The following CDH18 variants were observed in gnomAD, a reference collection of about 807,000 sequenced individuals.
CDH18 encodes the protein cadherin-18.
A neutral mutation model predicts 67.9 loss-of-function variants in CDH18; 31 were observed. That is an observed-to-expected ratio of 0.46 (90% CI 0.34 to 0.62). The LOEUF is 0.62. Ranked by LOEUF, CDH18 falls within the 20% of genes least tolerant of loss-of-function variation. CDH18 has a pLI of 0.01. For missense variants in CDH18, 890 were observed against 975.5 expected (o/e 0.91, Z 1.17); for synonymous variants, 362 against 347.2 (o/e 1.04, Z -0.48).
At chr5:19,597,883 C>G (rs1746419636) in intron 6 of CDH18, among the ~76,000 whole-genome samples, 1 of 152,044 alleles carries the variant, frequency 6.6e-6, no homozygotes, top group Non-Finnish European at 1.5e-5. Context: ...TTATATTCAT[C>G]TTTTTTTGTA....
chr5:19,524,149 T>C (rs896978126), intron 9 of CDH18, among the ~76,000 whole-genome samples: 1 of 151,766 alleles, frequency 6.6e-6, no homozygotes, highest in African/African-American at 2.4e-5. Context: ...TTTTGCAACA[T>C]CTTTGTAGAT....
chr5:19,739,686 C>T (rs189765850), intron 4 of CDH18, among the ~76,000 whole-genome samples: 4 of 152,220 alleles, frequency 2.6e-5, no homozygotes, highest in South Asian at 2.1e-4. Context: ...TCTGGTTTGT[C>T]AGTTGTCCAA....
chr5:20,184,237 G>T (rs867852844), intron 2 of CDH18, among the ~76,000 whole-genome samples: 1 of 152,070 alleles, frequency 6.6e-6, no homozygotes, highest in South Asian at 2.1e-4. Context: ...ACTGACATCC[G>T]AGGTAAAACA....
chr5:20,571,950 A>T (rs1325074541), intron 1 of CDH18, among the ~76,000 whole-genome samples: 1 of 152,130 alleles, frequency 6.6e-6, no homozygotes, highest in Non-Finnish European at 1.5e-5. Flanking sequence ...GCAGTAAGAG[A>T]AGATCTCTAA....
intron 2 of CDH18, among the ~76,000 whole-genome samples, chr5:20,176,165 A>G (rs1175101586): frequency 1.3e-5 from 2 of 152,160 alleles, no homozygotes; most frequent in Non-Finnish European, 2.9e-5. Flanking sequence ...TTTTACATGC[A>G]TGCTCAAATG....
chr5:19,521,267 A>T (rs1268804463), intron 9 of CDH18, among the ~76,000 whole-genome samples: 1 of 152,200 alleles, frequency 6.6e-6, no homozygotes, highest in Non-Finnish European at 1.5e-5. Flanking sequence ...TGTGATGTTA[A>T]GTCACGCTCG....
chr5:19,490,748 C>T lies in CDH18; in HGVS notation c.1631-7196G>A, dbSNP rs532581200. On this transcript the variant is annotated intron_variant, in intron 11 of 12. Coordinates refer to ENST00000382275, the MANE Select transcript of CDH18 (RefSeq NM_004934.5). ...ATGTTTTTGTTTTGTTTTTCTACTT[C>T]TATTTTTTTGCTTAGTGAATATGAG... 9.2e-5 allele frequency among the ~76,000 whole-genome samples: 14 copies of T among 152,010 alleles called. 1 individual carries two copies. The highest frequency in any genetic ancestry group is 3.4e-4 in the African/African-American group (14 of 41,484).
chr5:19,579,879 A>G (rs1180829006), intron 7 of CDH18, among the ~76,000 whole-genome samples: 1 of 151,670 alleles, frequency 6.6e-6, no homozygotes, highest in Non-Finnish European at 1.5e-5. Context: ...TTACTTCCCA[A>G]TAAAATATCC....
chr5:20,063,986 A>C (rs980663963), intron 2 of CDH18, among the ~76,000 whole-genome samples: 11 of 152,296 alleles, frequency 7.2e-5, no homozygotes, highest in African/African-American at 2.6e-4. Context: ...CAATGAACTA[A>C]AAGCATGTTT....
rs1448718366 is a variant in CDH18 at position 19,679,792 on chromosome 5, T to C, written c.643+41555A>G. ...AAATACTGCTGAAAGAAATCAGAGATGACACAAACAAATGGAAAAACATTC... is the reference window on the plus strand; with the variant it reads ...AAATACTGCTGAAAGAAATCAGAGACGACACAAACAAATGGAAAAACATTC... On this transcript the variant is annotated intron_variant, in intron 5 of 12. Transcript: ENST00000382275. Among the ~76,000 whole-genome samples, 7 of 151,792 alleles carry C rather than the reference T, an allele frequency of 4.6e-5. No individual in the cohort carries two copies. In the South Asian group the frequency reaches 1.5e-3, roughly 31 times the overall value.
chr5:20,224,901 C>G (rs1037590632), intron 2 of CDH18, among the ~76,000 whole-genome samples: 3 of 151,878 alleles, frequency 2.0e-5, no homozygotes, highest in African/African-American at 7.3e-5. Context: ...GCATTAATAT[C>G]CATACTCTTT....
At chr5:19,518,844 A>T (rs1308139128) in intron 10 of CDH18, among the ~76,000 whole-genome samples, 1 of 152,130 alleles carries the variant, frequency 6.6e-6, no homozygotes, top group African/African-American at 2.4e-5. Flanking sequence ...CTCCTTAATA[A>T]ACTCCCTTTC....
intron 3 of CDH18, among the ~76,000 whole-genome samples, chr5:19,758,172 A>G (rs1561238937): frequency 6.6e-6 from 1 of 152,144 alleles, no homozygotes; most frequent in Non-Finnish European, 1.5e-5. Flanking sequence ...CTTCTATTTG[A>G]TGATAGAACG....
At chr5:19,872,382 T>C (rs535409510) in intron 2 of CDH18, among the ~76,000 whole-genome samples, 3 of 152,322 alleles carry the variant, frequency 2.0e-5, no homozygotes, top group African/African-American at 4.8e-5. Context: ...ATAGTAAATG[T>C]TTAAAATTTT....
chr5:19,546,895 T>A (rs347742), intron 8 of CDH18, among the ~76,000 whole-genome samples: 16,585 of 152,172 alleles, frequency 0.11, 1,366 homozygotes, highest in African/African-American at 0.23. Flanking sequence ...CCATTGTACA[T>A]TAAATTTTCT....
intron 2 of CDH18, among the ~76,000 whole-genome samples, chr5:20,206,213 T>C (rs989900960): frequency 5.3e-5 from 8 of 151,970 alleles, no homozygotes; most frequent in South Asian, 2.1e-4. Flanking sequence ...CACAACTATA[T>C]GCCAACAAAT....
chr5:19,996,663 T>C (rs1301899590), intron 2 of CDH18, among the ~76,000 whole-genome samples: 2 of 152,026 alleles, frequency 1.3e-5, no homozygotes. Flanking sequence ...TTTCTGTTCA[T>C]GTGGTTACTA....
intron 1 of CDH18, among the ~76,000 whole-genome samples, chr5:20,334,506 T>G (rs573300125): frequency 9.2e-5 from 14 of 152,088 alleles, no homozygotes; most frequent in Non-Finnish European, 1.5e-4. Flanking sequence ...AGACGATGTT[T>G]AAATAACTCA....
intron 1 of CDH18, among the ~76,000 whole-genome samples, chr5:20,338,500 C>T (rs1301681948): frequency 3.3e-5 from 5 of 152,122 alleles, no homozygotes; most frequent in African/African-American, 1.2e-4. Flanking sequence ...AAGCCTCTTG[C>T]CCCATTTGCA....
Sources: gnomAD v4.1 joint callset for allele counts (sites outside exome capture counted in the v4.1 genomes callset) on GRCh38, gnomAD v4.1.1 for gene constraint, MANE v1.5 for transcripts, NCBI Gene and HGNC (gene_info 2026-07-23, HGNC 2026-07-21) for gene names.